ZNF827: variants seen among roughly 807,000 people sequenced by gnomAD.
ZNF827 encodes the protein zinc finger protein 827.
Under a neutral mutation model 102.4 loss-of-function variants are expected in ZNF827, and 13 were observed. The ratio of observed to expected loss-of-function variants is 0.13; its 90% CI spans 0.08 to 0.20. The LOEUF (loss-of-function observed/expected upper bound fraction) is 0.20. ZNF827 is among the 10% of genes least tolerant of loss of function. The pLI, the probability that ZNF827 is intolerant of heterozygous loss-of-function variation, is 1.00. For missense variants in ZNF827, 1,103 were observed against 1,344.4 expected (o/e 0.82, Z 2.81); for synonymous variants, 523 against 536.2 (o/e 0.98, Z 0.34).
At chr4:145,880,725 G>C (rs1579459761) in intron 4 of ZNF827, among the ~76,000 whole-genome samples, 1 of 152,240 alleles carries the variant, frequency 6.6e-6, no homozygotes, top group East Asian at 1.9e-4. Context: ...CGTGATTAGT[G>C]AGTGCCCATC....
In ZNF827 at chr4:145,907,755, A is replaced by C. The variant is rs181970996; in HGVS notation, c.44-4540T>G. The stretch of plus-strand genomic sequence containing the variant: ...CTATTTCCATTGCTAATTTTACAAC[A>C]ACCTCTGTCTCTGACTGTCAGGTTC... On this transcript the variant is annotated intron_variant, in intron 1 of 14. Coordinates refer to ENST00000508784, the MANE Select transcript of ZNF827 (RefSeq NM_001306215.2). 3.0e-4 allele frequency among the ~76,000 whole-genome samples: 46 copies of C among 152,128 alleles called. No individual in the cohort carries two copies. The East Asian group carries it at 8.9e-3, about 29-fold the overall frequency.
Position 145,761,098 on chromosome 4 carries a change from C to T in ZNF827, c.*518G>A, listed in dbSNP as rs747792211. ...AACTGACAGGGGAGACAGGAGATTC[C>T]GGGAGCTCCCGACCACCAGGAGCGG... On this transcript the variant is annotated 3_prime_UTR_variant, in exon 15 of 15. Coordinates refer to ENST00000508784, the MANE Select transcript of ZNF827 (RefSeq NM_001306215.2). The surrounding 1 kb of genome is among the most constrained non-coding windows in gnomAD (Gnocchi z 6.8). 6.0e-5 allele frequency: 77 copies of T among 1,289,430 alleles called. No homozygotes were observed. The highest frequency in any genetic ancestry group is 2.1e-4 in the Middle Eastern group (1 of 4,710). The allele number at this position is 1,289,430 out of a possible 1,614,324, so 79.9% of individuals were successfully genotyped here.
intron 8 of ZNF827, among the ~76,000 whole-genome samples, chr4:145,805,920 C>T (rs1440062123): frequency 1.3e-5 from 2 of 151,954 alleles, no homozygotes; most frequent in Non-Finnish European, 2.9e-5. Context: ...TCTGGGGAGT[C>T]TTTTCCTGAC....
chr4:145,791,465 G>A (rs904793646), intron 8 of ZNF827, among the ~76,000 whole-genome samples: 2 of 152,156 alleles, frequency 1.3e-5, no homozygotes, highest in Non-Finnish European at 2.9e-5. Flanking sequence ...AGCTAGGAGA[G>A]GAGGAAAGGG....
chr4:145,865,211 T>G (rs979820061), intron 5 of ZNF827, among the ~76,000 whole-genome samples: 12 of 152,202 alleles, frequency 7.9e-5, no homozygotes, highest in African/African-American at 2.7e-4. Context: ...CAACACTATC[T>G]TGATTTATTA....
chr4:145,841,403 G>C (rs1212031887), intron 7 of ZNF827, among the ~76,000 whole-genome samples: 1 of 152,170 alleles, frequency 6.6e-6, no homozygotes, highest in Non-Finnish European at 1.5e-5. Flanking sequence ...TCTACCAAAT[G>C]ATCATAATAG....
chr4:145,802,777 CA>C (rs775746984), intron 8 of ZNF827, among the ~76,000 whole-genome samples: 2 of 151,724 alleles, frequency 1.3e-5, no homozygotes, highest in Non-Finnish European at 2.9e-5. Context: ...GCATCTCTAC[CA>C]AAAAAAATTA....
chr4:145,823,100 G>A (rs892081113), intron 8 of ZNF827, among the ~76,000 whole-genome samples: 2 of 151,958 alleles, frequency 1.3e-5, no homozygotes, highest in African/African-American at 2.4e-5. Context: ...CCTGGCTGCC[G>A]GCCTGAAATA....
At chr4:145,912,106 AT>A (rs1752338475) in intron 1 of ZNF827, among the ~76,000 whole-genome samples, 1 of 152,172 alleles carries the variant, frequency 6.6e-6, no homozygotes, top group Non-Finnish European at 1.5e-5. Flanking sequence ...CAAAAGAATA[AT>A]TTTTCAGGTA....
intron 10 of ZNF827, 51 bp from the exon 11 acceptor site, chr4:145,774,723 C>T: frequency 6.3e-7 from 1 of 1,578,524 alleles, no homozygotes; most frequent in Non-Finnish European, 8.7e-7. Context: ...GTGACACATA[C>T]TTCTAAATGT....
chr4:145,780,622 A>G (rs772183826), intron 8 of ZNF827, among the ~76,000 whole-genome samples: 1 of 152,218 alleles, frequency 6.6e-6, no homozygotes, highest in Non-Finnish European at 1.5e-5. Flanking sequence ...GAACTGTACC[A>G]GATTATACAA....
In ZNF827 at chr4:145,917,700, C is replaced by CAAAAAAA. The variant is rs763617063; in HGVS notation, c.44-14492_44-14486dup. On this transcript the variant is annotated intron_variant, in intron 1 of 14. Transcript: ENST00000508784. ...AAGGCTCAACTCCAAGGTAGCTGGT[C>CAAAAAAA]AAAAAAAAAAAAAAAAAAAAAAAAA... Among the ~76,000 whole-genome samples the CAAAAAAA allele has an allele frequency of 1.9e-3, 87 of 46,820 alleles. 1 individual carries two copies. Among genetic ancestry groups the CAAAAAAA allele is most frequent in the Non-Finnish European group, 2.1e-3 (52 of 25,268 alleles). The allele number at this position is 46,820 out of a possible 152,430, so 30.7% of individuals were successfully genotyped here.
Position 145,820,247 on chromosome 4 carries a change from C to T in ZNF827, c.2383+3175G>A, listed in dbSNP as rs549349885. 5.8e-4 allele frequency among the ~76,000 whole-genome samples: 88 copies of T among 152,302 alleles called. 1 individual carries two copies. In the South Asian group the frequency reaches 0.018, roughly 31 times the overall value. ...CTCTTCTTCCTATTGGTAGAAGGTA[C>T]ATAACTATATACCAATGTTGTATAT... On this transcript the variant is annotated intron_variant, in intron 8 of 14. Coordinates refer to ENST00000508784, the MANE Select transcript of ZNF827 (RefSeq NM_001306215.2).
intron 7 of ZNF827, chr4:145,839,054 A>C (rs985526663): frequency 2.6e-5 from 4 of 152,184 alleles, no homozygotes; most frequent in Admixed American, 1.3e-4. Flanking sequence ...TGTATGCAAT[A>C]TTGTAGAAGA....
chr4:145,760,708 T>A lies in ZNF827; in HGVS notation c.*908A>T. On this transcript the variant is annotated 3_prime_UTR_variant, in exon 15 of 15. Coordinates refer to ENST00000508784, the MANE Select transcript of ZNF827 (RefSeq NM_001306215.2). Reference sequence around the variant, plus strand: ...CAACATACACCTGCTGGGGTTGTGTTTAAGTTTTGTGGTTTTTTTTTTTTT... The same window carrying A: ...CAACATACACCTGCTGGGGTTGTGTATAAGTTTTGTGGTTTTTTTTTTTTT... The A allele has an allele frequency of 2.9e-6, 3 of 1,034,868 alleles. No individual in the cohort carries two copies. Among genetic ancestry groups the A allele is most frequent in the Non-Finnish European group, 3.5e-6 (3 of 847,834 alleles). 64.1% of individuals were successfully genotyped at this position (1,034,868 alleles called of 1,614,324 possible). A position where few individuals can be genotyped will look rare whatever the true frequency, so the allele number is the denominator to read the frequency against.
chr4:145,785,642 CAATG>C (rs912967262), intron 8 of ZNF827, among the ~76,000 whole-genome samples: 6 of 152,184 alleles, frequency 3.9e-5, no homozygotes, highest in African/African-American at 1.4e-4. Flanking sequence ...TCATCTTGTT[CAATG>C]TTTTCTGTTT....
chr4:145,877,998 A>G (rs1049046980), intron 4 of ZNF827, among the ~76,000 whole-genome samples: 6 of 152,240 alleles, frequency 3.9e-5, no homozygotes, highest in Admixed American at 3.3e-4. Context: ...TGAAGACTGG[A>G]TAATATATTT....
Position 145,902,070 on chromosome 4 carries a change from T to G in ZNF827, c.1093+96A>C. 6.9e-7 allele frequency: 1 copy of G among 1,458,784 alleles called. No individual in the cohort carries two copies. Among genetic ancestry groups the G allele is most frequent in the Non-Finnish European group, 9.2e-7 (1 of 1,092,490 alleles). The allele number at this position is 1,458,784 out of a possible 1,614,324, so 90.4% of individuals were successfully genotyped here. A position where few individuals can be genotyped will look rare whatever the true frequency, so the allele number is the denominator to read the frequency against. On this transcript the variant is annotated intron_variant, in intron 2 of 14. Coordinates refer to ENST00000508784, the MANE Select transcript of ZNF827 (RefSeq NM_001306215.2). The surrounding 1 kb of genome is among the most constrained non-coding windows in gnomAD (Gnocchi z 4.3). ...CTTGCTTTTTTATTCCTGCCTCAGA[T>G]CAGATGGGGAACCCAACTGAAAAAA...
chr4:145,801,143 A>C (rs547976363), intron 8 of ZNF827, among the ~76,000 whole-genome samples: 1 of 152,306 alleles, frequency 6.6e-6, no homozygotes, highest in African/African-American at 2.4e-5. Flanking sequence ...AGATGGAAAT[A>C]ATTGCCTATG....
Sources: gnomAD v4.1 joint callset for allele counts (sites outside exome capture counted in the v4.1 genomes callset) on GRCh38, gnomAD v4.1.1 for gene constraint, Gnocchi (gnomAD v3.1) non-coding constraint, MANE v1.5 for transcripts, NCBI Gene and HGNC (gene_info 2026-07-23, HGNC 2026-07-21) for gene names.